ARHGAP26: variants seen among roughly 807,000 people sequenced by gnomAD.
The protein encoded by ARHGAP26 is Rho GTPase activating protein 26, also known as rho GTPase-activating protein 26.
In ARHGAP26, 38 loss-of-function variants were observed where a neutral mutation model predicts 104.8. That is an observed-to-expected ratio of 0.36 (90% confidence interval 0.28 to 0.48). ARHGAP26 has a LOEUF of 0.48. Ranked by LOEUF, ARHGAP26 falls within the 20% of genes least tolerant of loss-of-function variation. The probability of loss-of-function intolerance (pLI) is 0.99; values close to 1 mark genes in which losing one functional copy is unlikely to be tolerated. For missense variants in ARHGAP26, 704 were observed against 947.9 expected, an observed-to-expected ratio of 0.74 and a Z score of 3.38; for synonymous variants, 341 against 340.0, an observed-to-expected ratio of 1.00 and a Z score of -0.03.
chr5:142,807,303 T>G (rs1373900118), intron 1 of ARHGAP26, among the ~76,000 whole-genome samples: 1 of 152,180 alleles, frequency 6.6e-6, no homozygotes, highest in Non-Finnish European at 1.5e-5. Flanking sequence ...ACACTTACCT[T>G]GCCACTGACT....
intron 13 of ARHGAP26, 21 bp from the exon 14 acceptor site, chr5:143,041,795 C>T: frequency 6.3e-7 from 1 of 1,577,402 alleles, no homozygotes; most frequent in Non-Finnish European, 8.7e-7. Context: ...CTAATTAAAT[C>T]ATCACTGTTT....
intron 1 of ARHGAP26, among the ~76,000 whole-genome samples, chr5:142,821,981 A>G (rs1222688435): frequency 6.6e-6 from 1 of 152,228 alleles, no homozygotes; most frequent in East Asian, 1.9e-4. Flanking sequence ...CTTTGAGGGA[A>G]ATAAAAAGTT....
intron 17 of ARHGAP26, among the ~76,000 whole-genome samples, chr5:143,117,508 A>G (rs1031527679): frequency 5.9e-5 from 9 of 152,182 alleles, no homozygotes; most frequent in African/African-American, 2.2e-4. Flanking sequence ...GCCGAAAGAT[A>G]ATGGTCATTA....
intron 5 of ARHGAP26, among the ~76,000 whole-genome samples, chr5:142,892,333 A>T (rs574499876): frequency 1.3e-5 from 2 of 152,026 alleles, no homozygotes; most frequent in South Asian, 4.1e-4. Flanking sequence ...TTTCAGGATG[A>T]TCCAAGGGCC....
intron 1 of ARHGAP26, among the ~76,000 whole-genome samples, chr5:142,855,303 C>G (rs13172596): frequency 0.078 from 11,780 of 151,922 alleles, 824 homozygotes; most frequent in East Asian, 0.22. Flanking sequence ...CAGAGGAGGT[C>G]GAATACCAGA....
chr5:143,176,919 A>AAGATAAC (rs1460723733), intron 20 of ARHGAP26, among the ~76,000 whole-genome samples: 2 of 152,246 alleles, frequency 1.3e-5, no homozygotes, highest in African/African-American at 4.8e-5. Flanking sequence ...GCAAGGAGCC[A>AAGATAAC]TGTAAAGTAT....
chr5:142,972,777 T>A (rs913119318), intron 11 of ARHGAP26, among the ~76,000 whole-genome samples: 4 of 152,148 alleles, frequency 2.6e-5, no homozygotes, highest in Non-Finnish European at 5.9e-5. Context: ...TTGTGTCCTT[T>A]GACCTCTACA....
intron 5 of ARHGAP26, among the ~76,000 whole-genome samples, chr5:142,893,410 C>T (rs1598119562): frequency 6.6e-6 from 1 of 152,178 alleles, no homozygotes; most frequent in Admixed American, 6.5e-5. Flanking sequence ...TAATGACCTC[C>T]AGTTCCATTC....
chr5:142,805,339 T>C (rs759632103), intron 1 of ARHGAP26, among the ~76,000 whole-genome samples: 2 of 152,146 alleles, frequency 1.3e-5, no homozygotes, highest in Non-Finnish European at 2.9e-5. Flanking sequence ...TGACCGCAGG[T>C]GAACCACCCG....
chr5:142,782,738 G>A (rs1219109633), intron 1 of ARHGAP26, among the ~76,000 whole-genome samples: 1 of 152,136 alleles, frequency 6.6e-6, no homozygotes, highest in Admixed American at 6.5e-5. Context: ...GTGCAAGGGA[G>A]GATAATAAAT....
At chr5:142,783,493 A>G (rs936612181) in intron 1 of ARHGAP26, among the ~76,000 whole-genome samples, 2 of 151,946 alleles carry the variant, frequency 1.3e-5, no homozygotes, top group Admixed American at 1.3e-4. Flanking sequence ...TTTTTTCTTT[A>G]AAAACATTCA....
intron 11 of ARHGAP26, chr5:142,969,333 T>A (rs1008556404): frequency 1.3e-5 from 2 of 152,182 alleles, no homozygotes; most frequent in African/African-American, 4.8e-5. Context: ...GGCTGGCCAT[T>A]TTGTGATGAG....
intron 17 of ARHGAP26, among the ~76,000 whole-genome samples, chr5:143,071,796 T>C (rs1463461421): frequency 6.6e-6 from 1 of 151,944 alleles, no homozygotes; most frequent in Non-Finnish European, 1.5e-5. Flanking sequence ...CCCCAGCCAC[T>C]TGGGAGGCTG....
In ARHGAP26 at chr5:142,892,140, G is replaced by A. The variant is rs559525636; in HGVS notation, c.487-2098G>A. Among the ~76,000 whole-genome samples, 12 of 152,118 alleles carry A rather than the reference G, an allele frequency of 7.9e-5. No homozygotes were observed. In the South Asian group the frequency reaches 2.5e-3, roughly 31 times the overall value. On this transcript the variant is annotated intron_variant, in intron 5 of 22. Transcript: ENST00000645722. ...TGTTCTTATCACAAAGGAAGTATTT[G>A]GGACTTCTGTGAACATGGCCCATGG...
intron 11 of ARHGAP26, among the ~76,000 whole-genome samples, chr5:143,011,303 C>CTTTTTTTTT (rs58841045): frequency 7.2e-5 from 8 of 110,974 alleles, no homozygotes; most frequent in Admixed American, 1.1e-4. Flanking sequence ...TAAACCCCCG[C>CTTTTTTTTT]TTTTTTTTTT....
At chr5:143,062,296 C>T (rs775642686) in intron 17 of ARHGAP26, among the ~76,000 whole-genome samples, 21 of 152,186 alleles carry the variant, frequency 1.4e-4, no homozygotes, top group Non-Finnish European at 2.5e-4. Flanking sequence ...ACTCCATTGC[C>T]TCTTGCTGAT....
chr5:143,056,717 A>C (rs10477199), intron 16 of ARHGAP26, among the ~76,000 whole-genome samples: 2,124 of 152,266 alleles, frequency 0.014, 49 homozygotes, highest in African/African-American at 0.048. Context: ...AAGATTCTCT[A>C]TCAGATTTAA....
intron 17 of ARHGAP26, among the ~76,000 whole-genome samples, chr5:143,111,947 C>G (rs1794823159): frequency 6.6e-6 from 1 of 152,026 alleles, no homozygotes; most frequent in African/African-American, 2.4e-5. Context: ...GTACCTAGTG[C>G]AGCTGAGCCT....
At chr5:142,806,662 G>A (rs146033795) in intron 1 of ARHGAP26, among the ~76,000 whole-genome samples, 214 of 152,190 alleles carry the variant, frequency 1.4e-3, no homozygotes, top group African/African-American at 4.6e-3. Context: ...ATGCCTGGAC[G>A]ACATCACAGT....
Sources: gnomAD v4.1 joint callset for allele counts (sites outside exome capture counted in the v4.1 genomes callset) on GRCh38, gnomAD v4.1.1 for gene constraint, MANE v1.5 for transcripts, NCBI Gene and HGNC (gene_info 2026-07-23, HGNC 2026-07-21) for gene names.